Variants in CCDC178 observed in about 807,000 individuals in gnomAD.
CCDC178 encodes coiled-coil domain-containing protein 178.
A neutral mutation model predicts 117.4 loss-of-function variants in CCDC178; 126 were observed. The ratio of observed to expected loss-of-function variants is 1.07; its 90% CI spans 0.93 to 1.24. The LOEUF is 1.24. Among genes scored for constraint, CCDC178 ranks in the 50% most tolerant of loss-of-function variants. CCDC178 has a pLI of 0.00. For missense variants in CCDC178, 1,030 were observed against 986.9 expected (o/e 1.04, Z -0.59); for synonymous variants, 283 against 313.4 (o/e 0.90, Z 1.02).
chr18:33,235,664 A>G (rs573154352), intron 15 of CCDC178, among the ~76,000 whole-genome samples: 1 of 152,222 alleles, frequency 6.6e-6, no homozygotes, highest in African/African-American at 2.4e-5. Context: ...CCAGAATTCC[A>G]TTATATTCAA....
At chr18:33,411,606 C>CTTTTTTTTTTTTTTTT (rs2063855854) in intron 3 of CCDC178, among the ~76,000 whole-genome samples, 1 of 152,046 alleles carries the variant, frequency 6.6e-6, no homozygotes, top group African/African-American at 2.4e-5. Context: ...TTAGTATTTT[C>CTTTTTTTTTTTTTTTT]ATTTTTAATA....
intron 20 of CCDC178, among the ~76,000 whole-genome samples, chr18:33,136,379 TC>T (rs925522971): frequency 6.6e-6 from 1 of 152,148 alleles, no homozygotes; most frequent in African/African-American, 2.4e-5. Flanking sequence ...ATGCTTATTT[TC>T]CATAATGACA....
intron 15 of CCDC178, among the ~76,000 whole-genome samples, chr18:33,227,614 G>T (rs531337522): frequency 4.9e-4 from 70 of 143,802 alleles, no homozygotes; most frequent in Non-Finnish European, 9.4e-4. Context: ...TTGCAAGGAG[G>T]AACAATAAAA....
chr18:33,347,044 T>C (rs2062904960), intron 8 of CCDC178, among the ~76,000 whole-genome samples: 2 of 152,178 alleles, frequency 1.3e-5, no homozygotes, highest in South Asian at 4.1e-4. Flanking sequence ...CATTTGACCA[T>C]TTATGAAATA....
chr18:33,341,310 A>G (rs560893403), intron 9 of CCDC178, among the ~76,000 whole-genome samples: 3 of 152,286 alleles, frequency 2.0e-5, no homozygotes, highest in African/African-American at 7.2e-5. Flanking sequence ...GGAAGTAACT[A>G]GCTTGCTTTT....
At chr18:33,254,967 T>C (rs1568091943) in intron 14 of CCDC178, among the ~76,000 whole-genome samples, 1 of 152,062 alleles carries the variant, frequency 6.6e-6, no homozygotes, top group Non-Finnish European at 1.5e-5. Flanking sequence ...GTTTCAATCA[T>C]GGCAGCAAAT....
At chr18:33,182,573 TA>T (rs1234244045) in intron 20 of CCDC178, among the ~76,000 whole-genome samples, 1 of 151,926 alleles carries the variant, frequency 6.6e-6, no homozygotes, top group Non-Finnish European at 1.5e-5. Flanking sequence ...TTTCCTGACA[TA>T]AGCTAATACA....
intron 21 of CCDC178, among the ~76,000 whole-genome samples, chr18:33,042,814 G>A (rs1427976118): frequency 1.3e-5 from 2 of 152,006 alleles, no homozygotes; most frequent in East Asian, 3.9e-4. Flanking sequence ...TATACTCATT[G>A]TACTTTTCTA....
chr18:33,249,111 GTTCT>G (rs1368832080), intron 14 of CCDC178, among the ~76,000 whole-genome samples: 4 of 152,046 alleles, frequency 2.6e-5, no homozygotes, highest in East Asian at 1.9e-4. Context: ...TTTTGATGGG[GTTCT>G]TTGTTTTTCT....
chr18:32,969,479 C>T (rs2054881013), intron 22 of CCDC178, among the ~76,000 whole-genome samples: 1 of 152,024 alleles, frequency 6.6e-6, no homozygotes, highest in South Asian at 2.1e-4. Flanking sequence ...TTTCCAACCT[C>T]TCCCATGATT....
chr18:33,225,647 T>C (rs1303449812), intron 16 of CCDC178, among the ~76,000 whole-genome samples: 1 of 152,212 alleles, frequency 6.6e-6, no homozygotes, highest in African/African-American at 2.4e-5. Context: ...GTGGAATATA[T>C]GCAAGTACTG....
At chr18:33,052,375 T>G (rs1040711339) in intron 21 of CCDC178, among the ~76,000 whole-genome samples, 4 of 152,180 alleles carry the variant, frequency 2.6e-5, no homozygotes, top group African/African-American at 9.7e-5. Flanking sequence ...AATTCAGAAC[T>G]CTAGTACATA....
At chr18:33,349,559 C>A (rs2062943461) in intron 7 of CCDC178, among the ~76,000 whole-genome samples, 1 of 151,814 alleles carries the variant, frequency 6.6e-6, no homozygotes, top group South Asian at 2.1e-4. Context: ...AGCTAAAATT[C>A]TGTATGTTGA....
chr18:33,108,408 A>T (rs1246895954), intron 20 of CCDC178, among the ~76,000 whole-genome samples: 1 of 151,654 alleles, frequency 6.6e-6, no homozygotes, highest in Non-Finnish European at 1.5e-5. Flanking sequence ...AGGTTATGGC[A>T]TTCCCGACTG....
intron 21 of CCDC178, among the ~76,000 whole-genome samples, chr18:33,042,363 T>C (rs2056564508): frequency 6.6e-6 from 1 of 151,830 alleles, no homozygotes; most frequent in Non-Finnish European, 1.5e-5. Flanking sequence ...TTATAGAAAG[T>C]ACAGAGGGCA....
chr18:33,013,020 AT>A (rs958460516), intron 21 of CCDC178, among the ~76,000 whole-genome samples: 4 of 152,206 alleles, frequency 2.6e-5, no homozygotes, highest in Non-Finnish European at 4.4e-5. Context: ...ATGGAGGGAA[AT>A]TTGGCATAAT....
At chr18:33,222,106 A>G (rs1353035678) in intron 18 of CCDC178, among the ~76,000 whole-genome samples, 4 of 152,098 alleles carry the variant, frequency 2.6e-5, no homozygotes, top group Non-Finnish European at 5.9e-5. Flanking sequence ...TGTCAGATTG[A>G]TAATTTGGGG....
intron 20 of CCDC178, among the ~76,000 whole-genome samples, chr18:33,107,298 T>G (rs1440652178): frequency 6.6e-6 from 1 of 151,672 alleles, no homozygotes; most frequent in Non-Finnish European, 1.5e-5. Flanking sequence ...AAACAAGTTA[T>G]TAATAAATGA....
intron 2 of CCDC178, among the ~76,000 whole-genome samples, chr18:33,429,603 T>C (rs1272251386): frequency 6.6e-6 from 1 of 152,186 alleles, no homozygotes; most frequent in African/African-American, 2.4e-5. Flanking sequence ...TAATATATGA[T>C]ATAAATATTA....
Sources: allele counts gnomAD v4.1 joint callset (sites outside exome capture counted in the v4.1 genomes callset), GRCh38; gene constraint gnomAD v4.1.1; transcripts MANE v1.5; gene names NCBI Gene and HGNC (gene_info 2026-07-23, HGNC 2026-07-21).